The following LDAH variants were observed in gnomAD, a reference collection of about 807,000 sequenced individuals.
The protein encoded by LDAH is lipid droplet-associated hydrolase.
Under a neutral mutation model 29.6 loss-of-function variants are expected in LDAH, and 26 were observed. That is an observed-to-expected ratio of 0.88 (90% CI 0.64 to 1.22). The LOEUF (loss-of-function observed/expected upper bound fraction) is 1.22. LDAH is among the 50% of genes most tolerant of loss of function. The probability of loss-of-function intolerance (pLI) is 0.00; values close to 1 mark genes in which losing one functional copy is unlikely to be tolerated. For missense variants in LDAH, 344 were observed against 387.3 expected, an observed-to-expected ratio of 0.89 and a Z score of 0.94; for synonymous variants, 117 against 133.0, an observed-to-expected ratio of 0.88 and a Z score of 0.83.
chr2:20,766,282 T>C (rs1669031532), intron 4 of LDAH, among the ~76,000 whole-genome samples: 1 of 152,332 alleles, frequency 6.6e-6, no homozygotes, highest in Admixed American at 6.5e-5. Flanking sequence ...TTCCATTCTC[T>C]GGGGAGGACT....
chr2:20,767,179 G>C (rs1276652014), intron 4 of LDAH, among the ~76,000 whole-genome samples: 3 of 152,216 alleles, frequency 2.0e-5, no homozygotes, highest in Non-Finnish European at 4.4e-5. Flanking sequence ...CAGGCTGTGA[G>C]GGGGTGCAGC....
chr2:20,749,941 C>T (rs1667845770), intron 4 of LDAH, among the ~76,000 whole-genome samples: 1 of 152,158 alleles, frequency 6.6e-6, no homozygotes, highest in South Asian at 2.1e-4. Flanking sequence ...AGGGTAGCAT[C>T]CCTCCTGGTG....
At chr2:20,705,812 C>A (rs968648665) in intron 5 of LDAH, among the ~76,000 whole-genome samples, 4 of 152,100 alleles carry the variant, frequency 2.6e-5, no homozygotes, top group Non-Finnish European at 5.9e-5. Context: ...ATTTTGATGA[C>A]TTCATTTAAA....
intron 3 of LDAH, 77 bp downstream of exon 3, chr2:20,790,178 T>G: frequency 6.6e-7 from 1 of 1,513,462 alleles, no homozygotes; most frequent in Non-Finnish European, 9.0e-7. Context: ...CTGGTGTAAC[T>G]CTTAACCTTA....
chr2:20,723,083 T>C (rs970761000), intron 5 of LDAH, among the ~76,000 whole-genome samples: 9 of 152,336 alleles, frequency 5.9e-5, no homozygotes, highest in East Asian at 3.9e-4. Flanking sequence ...TAGTACCACA[T>C]TGGAAACAAC....
chr2:20,712,461 A>C (rs959812383), intron 5 of LDAH, among the ~76,000 whole-genome samples: 1 of 152,208 alleles, frequency 6.6e-6, no homozygotes, highest in Admixed American at 6.5e-5. Context: ...AAAATTCTAA[A>C]AACCAGAGTG....
Position 20,790,272 on chromosome 2 carries a change from A to G in LDAH, c.281T>C (p.Ile94Thr). 6.2e-7 allele frequency: 1 copy of G among 1,614,186 alleles called. No individual in the cohort carries two copies. Among genetic ancestry groups the G allele is most frequent in the Non-Finnish European group, 8.5e-7 (1 of 1,180,032 alleles). ...GGACATACCCTCTGATGTTGTAAGA[A>G]TCTTCTTGTCTTTGGGAGCCAACGC... Reference protein sequence around the residue: ...GHALAPKDKKILTTSEDSNAQ... With the variant: ...GHALAPKDKKTLTTSEDSNAQ... The change falls in exon 3 of 7, where the codon ATT (isoleucine) becomes ACT (threonine). Residue 94 changes from isoleucine to threonine, a missense_variant. Physicochemically the swap from Ile to Thr is moderately conservative, Grantham distance 89. Coordinates refer to ENST00000237822, the MANE Select transcript of LDAH (RefSeq NM_021925.4).
intron 1 of LDAH, among the ~76,000 whole-genome samples, chr2:20,812,512 T>C (rs147570134): frequency 6.6e-6 from 1 of 152,322 alleles, no homozygotes; most frequent in East Asian, 1.9e-4. Context: ...CATCTTGTTT[T>C]AAAAATCAAC....
At chr2:20,743,373 G>C (rs591643) in intron 4 of LDAH, among the ~76,000 whole-genome samples, 52,612 of 142,522 alleles carry the variant, frequency 0.37, 10,508 homozygotes, top group South Asian at 0.64. Context: ...GTGCAGGTTA[G>C]TTACATATGT....
At chr2:20,750,225 C>T (rs956058001) in intron 4 of LDAH, among the ~76,000 whole-genome samples, 4 of 152,064 alleles carry the variant, frequency 2.6e-5, no homozygotes, top group African/African-American at 4.8e-5. Flanking sequence ...GGGGTTTCAC[C>T]ACATAGGCTA....
At chr2:20,717,231 C>T (rs191515320) in intron 5 of LDAH, among the ~76,000 whole-genome samples, 1 of 152,222 alleles carries the variant, frequency 6.6e-6, no homozygotes, top group Non-Finnish European at 1.5e-5. Context: ...ACAACACTAA[C>T]CACAAAAGAT....
chr2:20,725,761 G>A (rs1320258684), intron 5 of LDAH, among the ~76,000 whole-genome samples: 1 of 152,132 alleles, frequency 6.6e-6, no homozygotes, highest in Non-Finnish European at 1.5e-5. Flanking sequence ...TTTTAAATAA[G>A]CCAAAGCCTA....
intron 5 of LDAH, among the ~76,000 whole-genome samples, chr2:20,728,277 C>T (rs1170504795): frequency 2.0e-5 from 3 of 152,132 alleles, no homozygotes; most frequent in Non-Finnish European, 4.4e-5. Context: ...GTTAAAAGGT[C>T]GTTGTCTGGA....
intron 4 of LDAH, among the ~76,000 whole-genome samples, chr2:20,748,814 A>G (rs1310568441): frequency 6.6e-6 from 1 of 152,176 alleles, no homozygotes; most frequent in African/African-American, 2.4e-5. Context: ...GTAAAGCTAC[A>G]CAGAATGTGA....
intron 4 of LDAH, among the ~76,000 whole-genome samples, chr2:20,754,108 C>G (rs902766007): frequency 2.6e-5 from 4 of 151,934 alleles, no homozygotes; most frequent in Admixed American, 2.6e-4. Flanking sequence ...GATGTTGAAT[C>G]TAGGAGAAAA....
chr2:20,766,749 G>C (rs1394475671), intron 4 of LDAH, among the ~76,000 whole-genome samples: 1 of 152,190 alleles, frequency 6.6e-6, no homozygotes, highest in Non-Finnish European at 1.5e-5. Flanking sequence ...TGGCAGCAGG[G>C]GGCTATCCAC....
intron 3 of LDAH, among the ~76,000 whole-genome samples, chr2:20,779,455 G>A (rs962311496): frequency 6.6e-6 from 1 of 151,850 alleles, no homozygotes; most frequent in Admixed American, 6.6e-5. Context: ...TTCTGCTCAT[G>A]TATACCTTTT....
chr2:20,696,738 T>C (rs992390227), intron 6 of LDAH, among the ~76,000 whole-genome samples: 2 of 152,154 alleles, frequency 1.3e-5, no homozygotes, highest in Non-Finnish European at 2.9e-5. Flanking sequence ...GACCTCTTAT[T>C]TGCCTCTGAC....
intron 3 of LDAH, among the ~76,000 whole-genome samples, chr2:20,782,841 T>TA (rs933327479): frequency 2.0e-5 from 3 of 152,170 alleles, no homozygotes; most frequent in African/African-American, 7.2e-5. Context: ...TTCCCATTTT[T>TA]ATCATCTTTT....
Sources: allele counts gnomAD v4.1 joint callset (sites outside exome capture counted in the v4.1 genomes callset), GRCh38; gene constraint gnomAD v4.1.1; transcripts MANE v1.5; gene names NCBI Gene and HGNC (gene_info 2026-07-23, HGNC 2026-07-21).